LRIG1: variants seen among roughly 807,000 people sequenced by gnomAD.
LRIG1 encodes the protein leucine rich repeats and immunoglobulin like domains 1.
In LRIG1, 48 loss-of-function variants were observed where a neutral mutation model predicts 99.2. The ratio of observed to expected loss-of-function variants is 0.48; its 90% confidence interval spans 0.38 to 0.62. LRIG1 has a LOEUF of 0.62. LRIG1 is among the 20% of genes least tolerant of loss of function. The pLI, the probability that LRIG1 is intolerant of heterozygous loss-of-function variation, is 0.00. For synonymous variants in LRIG1, 772 were observed against 596.1 expected (o/e 1.29, Z -4.30); for missense variants, 1,646 against 1,434.4 (o/e 1.15, Z -2.38).
chr3:66,383,292 G>C lies in LRIG1; in HGVS notation c.2181C>G (p.Phe727Leu). ...TGNPPPRITW[F>L]KGDRPLSLTE... ...TGAGGCTCAGCGGGCGGTCCCCCTTGAACCAGGTGATGCGGGGCGGAGGGT... is the reference window on the plus strand; with the variant it reads ...TGAGGCTCAGCGGGCGGTCCCCCTTCAACCAGGTGATGCGGGGCGGAGGGT... The change falls in exon 15 of 19, where the codon TTC (phenylalanine) becomes TTG (leucine). Residue 727 changes from phenylalanine to leucine, a missense_variant. By Grantham distance (22) the Phe-to-Leu change is conservative. Transcript: ENST00000273261. The C allele has an allele frequency of 1.9e-6, 3 of 1,611,942 alleles. No homozygotes were observed. The highest frequency in any genetic ancestry group is 2.5e-6 in the Non-Finnish European group (3 of 1,178,116).
chr3:66,458,754 T>C (rs1311899295), intron 2 of LRIG1, among the ~76,000 whole-genome samples: 1 of 152,042 alleles, frequency 6.6e-6, no homozygotes, highest in African/African-American at 2.4e-5. Flanking sequence ...TGGTGGCTCA[T>C]GCCTCTAATC....
intron 1 of LRIG1, among the ~76,000 whole-genome samples, chr3:66,463,018 G>A (rs1361960444): frequency 1.3e-5 from 2 of 152,156 alleles, no homozygotes; most frequent in Admixed American, 6.5e-5. Context: ...GACATTTTTG[G>A]TTGTCACAAC....
rs755025003 is a variant in LRIG1 at position 66,382,363 on chromosome 3, G to A, written c.2527C>T (p.Leu843Phe). Residue 843 changes from leucine (L) to phenylalanine (F), a missense_variant, in exon 16 of 19, where the codon CTC becomes TTC. By Grantham distance (22) the Leu-to-Phe change is conservative. Coordinates refer to ENST00000273261, the MANE Select transcript of LRIG1 (RefSeq NM_015541.3). ...TVVPPDVPSYLSSQGTLSDRQ... is the reference protein window; with the variant it reads ...TVVPPDVPSYFSSQGTLSDRQ... ...TCAGAAAGGGTCCCCTGAGAAGAGA[G>A]GTAGCTTGGAACATCTGGTGGCACG... is the stretch of plus-strand genomic sequence containing the variant. The A allele has an allele frequency of 3.7e-6, 6 of 1,614,040 alleles. No homozygotes were observed. The Admixed American group carries it at 1.0e-4, about 27-fold the overall frequency.
chr3:66,412,020 T>C (rs939711507), intron 6 of LRIG1, among the ~76,000 whole-genome samples: 6 of 152,328 alleles, frequency 3.9e-5, no homozygotes, highest in South Asian at 2.1e-4. Context: ...CAAATTACTT[T>C]TGATTAAAAA....
chr3:66,489,350 C>G (rs1454489960), intron 1 of LRIG1, among the ~76,000 whole-genome samples: 3 of 152,136 alleles, frequency 2.0e-5, no homozygotes, highest in African/African-American at 4.8e-5. Flanking sequence ...ACAGCAAGAT[C>G]CCATCTTCAC....
chr3:66,380,960 A>G, intron 17 of LRIG1, 99 bp from the exon 18 acceptor site: 1 of 1,255,394 alleles, frequency 8.0e-7, no homozygotes, highest in Admixed American at 2.0e-5. Flanking sequence ...CAAGGTGAGA[A>G]CCCTGACTGC....
chr3:66,452,532 A>G (rs906312205), intron 2 of LRIG1, among the ~76,000 whole-genome samples: 3 of 152,236 alleles, frequency 2.0e-5, no homozygotes, highest in Admixed American at 6.5e-5. Flanking sequence ...GTGATGGGCT[A>G]GAAAGAAATT....
At chr3:66,437,765 G>A (rs74600129) in intron 3 of LRIG1, among the ~76,000 whole-genome samples, 5,474 of 152,210 alleles carry the variant, frequency 0.036, 314 homozygotes, top group African/African-American at 0.12. Context: ...CAGCCCCAGA[G>A]GAGACAGAGG....
intron 1 of LRIG1, among the ~76,000 whole-genome samples, chr3:66,491,990 C>T (rs943557252): frequency 6.6e-6 from 1 of 152,174 alleles, no homozygotes; most frequent in Non-Finnish European, 1.5e-5. Flanking sequence ...TTTCTAAAAG[C>T]TATGTATTTC....
intron 1 of LRIG1, among the ~76,000 whole-genome samples, chr3:66,466,731 C>T (rs755502320): frequency 6.6e-5 from 10 of 152,186 alleles, no homozygotes; most frequent in Non-Finnish European, 1.3e-4. Flanking sequence ...TCTATGAACA[C>T]GATCGCCCTG....
intron 12 of LRIG1, chr3:66,387,030 C>A (rs555692754): frequency 7.3e-5 from 11 of 149,954 alleles, no homozygotes; most frequent in African/African-American, 1.7e-4. Context: ...CTGGCAGCAA[C>A]ACGGAAAGCC....
rs142181884 is a variant in LRIG1 at position 66,414,409 on chromosome 3, T to G, written c.647+511A>C. On this transcript the variant is annotated intron_variant, in intron 5 of 18. Transcript: ENST00000273261. Reference sequence around the variant, plus strand: ...AGACTGTCGCAAAAAAAAATAATAATAAATAAATAAATAATAATAATAATA... The same window carrying G: ...AGACTGTCGCAAAAAAAAATAATAAGAAATAAATAAATAATAATAATAATA... Among the ~76,000 whole-genome samples, 352 of 149,234 alleles carry G rather than the reference T, an allele frequency of 2.4e-3. 8 individuals are homozygous for G. In the East Asian group the frequency reaches 0.052, roughly 22 times the overall value.
intron 1 of LRIG1, among the ~76,000 whole-genome samples, chr3:66,473,448 T>A (rs1386913458): frequency 6.6e-6 from 1 of 152,152 alleles, no homozygotes; most frequent in Non-Finnish European, 1.5e-5. Context: ...CTCTGTGAGG[T>A]CTCCTGGTGC....
intron 9 of LRIG1, among the ~76,000 whole-genome samples, chr3:66,403,342 G>A (rs1358490368): frequency 3.9e-5 from 6 of 152,108 alleles, no homozygotes; most frequent in African/African-American, 1.4e-4. Context: ...AGGAATTCTT[G>A]TTTATTTATT....
At chr3:66,485,556 G>A (rs1700953098) in intron 1 of LRIG1, among the ~76,000 whole-genome samples, 1 of 152,084 alleles carries the variant, frequency 6.6e-6, no homozygotes, top group Admixed American at 6.5e-5. Flanking sequence ...TGATCATAAA[G>A]CCAACAAATA....
At chr3:66,463,524 G>A (rs1030958085) in intron 1 of LRIG1, among the ~76,000 whole-genome samples, 4 of 152,134 alleles carry the variant, frequency 2.6e-5, no homozygotes, top group Non-Finnish European at 5.9e-5. Context: ...TCTGTTAGGG[G>A]ACCACAATCT....
In LRIG1 at chr3:66,380,769, C is replaced by G. The variant is rs773715592; in HGVS notation, c.2863G>C (p.Asp955His). The G allele has an allele frequency of 5.6e-6, 9 of 1,614,236 alleles. No homozygotes were observed. The South Asian group carries it at 8.8e-5, about 16-fold the overall frequency. The stretch of plus-strand genomic sequence containing the variant: ...TTTGGCGCACTTGGCTGTGCGCTGT[C>G]TCTGGACACAGGCTGGGGGTGGAAG... Reference protein sequence around the residue: ...QAFHPQPVSRDSAQPSAPNGP... With the variant: ...QAFHPQPVSRHSAQPSAPNGP... Residue 955 changes from aspartate to histidine, a missense_variant, in exon 18 of 19, where the codon GAC (aspartate) becomes CAC (histidine). By Grantham distance (81) the Asp-to-His change is moderately conservative. Coordinates refer to ENST00000273261, the MANE Select transcript of LRIG1 (RefSeq NM_015541.3).
At chr3:66,437,174 TGA>T (rs1258369174) in intron 3 of LRIG1, among the ~76,000 whole-genome samples, 3 of 152,230 alleles carry the variant, frequency 2.0e-5, no homozygotes, top group Non-Finnish European at 2.9e-5. Context: ...GGATCTGCAG[TGA>T]CTCTCCACCT....
At chr3:66,421,247 A>T (rs1270897429) in intron 3 of LRIG1, among the ~76,000 whole-genome samples, 2 of 152,200 alleles carry the variant, frequency 1.3e-5, no homozygotes, top group Non-Finnish European at 2.9e-5. Flanking sequence ...ATGCCTTCCC[A>T]ACAGTCCCCC....
Sources: gnomAD v4.1 joint callset for allele counts (sites outside exome capture counted in the v4.1 genomes callset) on GRCh38, gnomAD v4.1.1 for gene constraint, MANE v1.5 for transcripts, NCBI Gene and HGNC (gene_info 2026-07-23, HGNC 2026-07-21) for gene names.